ITSN2: variants seen among roughly 807,000 people sequenced by gnomAD.
ITSN2 encodes intersectin 2.
Under a neutral mutation model 243.7 loss-of-function variants are expected in ITSN2, and 156 were observed. The ratio of observed to expected loss-of-function variants is 0.64; its 90% CI spans 0.56 to 0.73. ITSN2 has a LOEUF of 0.73. ITSN2 is among the 30% of genes least tolerant of loss of function. The pLI, the probability that ITSN2 is intolerant of heterozygous loss-of-function variation, is 0.00. For synonymous variants in ITSN2, 703 were observed against 699.9 expected (o/e 1.00, Z -0.07); for missense variants, 1,801 against 1,996.1 (o/e 0.90, Z 1.86).
chr2:24,235,881 A>C (rs1672098434), intron 29 of ITSN2, among the ~76,000 whole-genome samples: 1 of 152,198 alleles, frequency 6.6e-6, no homozygotes, highest in Non-Finnish European at 1.5e-5. Context: ...GAGGATGTGG[A>C]GTAACAGAAA....
At chr2:24,309,378 T>C (rs1479709155) in intron 7 of ITSN2, among the ~76,000 whole-genome samples, 1 of 152,148 alleles carries the variant, frequency 6.6e-6, no homozygotes, top group Non-Finnish European at 1.5e-5. Flanking sequence ...TGCGCATTTT[T>C]AGTAGAGACA....
intron 29 of ITSN2, among the ~76,000 whole-genome samples, chr2:24,237,605 C>CT (rs1558464835): frequency 6.6e-6 from 1 of 152,192 alleles, no homozygotes; most frequent in Admixed American, 6.5e-5. Flanking sequence ...TCCCCCAACT[C>CT]TAATTCTTCA....
At position 24,204,460 on chromosome 2, in the gene ITSN2, T is replaced by C. The variant is rs369490519; in HGVS notation, c.4763-42A>G. 13 of 1,589,242 alleles carry C rather than the reference T, an allele frequency of 8.2e-6. No individual in the cohort carries two copies. The highest frequency in any genetic ancestry group is 1.1e-5 in the Non-Finnish European group (13 of 1,157,670). Reference sequence around the variant, plus strand: ...CACAGACACATGTGGTGCATGCAGGTAAAACGAAGCGACTGACAGTGCCCT... The same window carrying C: ...CACAGACACATGTGGTGCATGCAGGCAAAACGAAGCGACTGACAGTGCCCT... On this transcript the variant is annotated intron_variant, in intron 38 of 39. Transcript: ENST00000355123. The surrounding 1 kb of genome is among the most constrained non-coding windows in gnomAD (Gnocchi z 5.1).
chr2:24,352,093 G>C (rs1046308495), intron 1 of ITSN2, among the ~76,000 whole-genome samples: 2 of 152,060 alleles, frequency 1.3e-5, no homozygotes, highest in South Asian at 4.2e-4. Context: ...CTTTATCATA[G>C]GTATGTATAT....
At chr2:24,358,512 G>C (rs1688659226) in intron 1 of ITSN2, among the ~76,000 whole-genome samples, 1 of 152,180 alleles carries the variant, frequency 6.6e-6, no homozygotes, top group Non-Finnish European at 1.5e-5. Context: ...AGAAAGTATA[G>C]TTGAAGGAGA....
intron 37 of ITSN2, chr2:24,206,104 G>A (rs1051758579): frequency 6.6e-6 from 2 of 301,324 alleles, no homozygotes; most frequent in Non-Finnish European, 1.4e-5. Flanking sequence ...CAAAACTCAG[G>A]CAGAAAAACC....
intron 35 of ITSN2, 69 bp downstream of exon 35, chr2:24,209,749 G>T: frequency 8.0e-7 from 1 of 1,244,314 alleles, no homozygotes; most frequent in Non-Finnish European, 1.2e-6. Flanking sequence ...GGGTCTGCCA[G>T]GAAGGCCTTA....
chr2:24,203,821 C>CT, intron 39 of ITSN2, 38 bp from the exon 40 acceptor site: 1 of 1,576,244 alleles, frequency 6.3e-7, no homozygotes, highest in Non-Finnish European at 8.6e-7. Context: ...AGTCTTTCTT[C>CT]TTTATAAAAT....
chr2:24,328,829 T>C (rs1685456180), intron 1 of ITSN2, among the ~76,000 whole-genome samples: 1 of 152,214 alleles, frequency 6.6e-6, no homozygotes, highest in Non-Finnish European at 1.5e-5. Context: ...CGCAGCTGTT[T>C]AAATGAGCTC....
chr2:24,260,950 A>T (rs1249901399), intron 22 of ITSN2, among the ~76,000 whole-genome samples, 156 bp downstream of exon 22: 1 of 151,756 alleles, frequency 6.6e-6, no homozygotes, highest in Non-Finnish European at 1.5e-5. Context: ...AGTAATAGTC[A>T]TTTCTTCAAC....
intron 1 of ITSN2, among the ~76,000 whole-genome samples, chr2:24,341,647 G>A (rs1174433418): frequency 6.6e-6 from 1 of 152,158 alleles, no homozygotes; most frequent in African/African-American, 2.4e-5. Context: ...GGGAGGCTGA[G>A]GCAGGCAGAT....
intron 1 of ITSN2, among the ~76,000 whole-genome samples, chr2:24,340,498 G>A (rs1331751308): frequency 6.6e-6 from 1 of 151,420 alleles, no homozygotes; most frequent in East Asian, 1.9e-4. Flanking sequence ...AAAAAAAGTT[G>A]AATGTACTTG....
chr2:24,343,754 T>C (rs1687273366), intron 1 of ITSN2, among the ~76,000 whole-genome samples: 1 of 152,224 alleles, frequency 6.6e-6, no homozygotes, highest in African/African-American at 2.4e-5. Context: ...CCTCTAACTC[T>C]GACTTAATTC....
At chr2:24,271,343 A>C (rs1167353109) in intron 19 of ITSN2, among the ~76,000 whole-genome samples, 1 of 152,218 alleles carries the variant, frequency 6.6e-6, no homozygotes, top group Non-Finnish European at 1.5e-5. Flanking sequence ...TGTATCATTA[A>C]TAATGATTCA....
intron 18 of ITSN2, among the ~76,000 whole-genome samples, chr2:24,272,409 T>C (rs1226332574): frequency 6.6e-6 from 1 of 150,790 alleles, no homozygotes; most frequent in African/African-American, 2.4e-5. Context: ...GAAATGCTTC[T>C]AGAAAAACAA....
At chr2:24,348,923 C>T (rs1167001880) in intron 1 of ITSN2, among the ~76,000 whole-genome samples, 1 of 152,150 alleles carries the variant, frequency 6.6e-6, no homozygotes, top group Non-Finnish European at 1.5e-5. Context: ...AAAAATAGCA[C>T]TTTTGAATAT....
intron 29 of ITSN2, among the ~76,000 whole-genome samples, chr2:24,222,668 C>CTTTTTTTTT (rs56149622): frequency 5.2e-5 from 4 of 77,238 alleles, no homozygotes; most frequent in Non-Finnish European, 4.6e-5. Flanking sequence ...TTTTTCTTTT[C>CTTTTTTTTT]TTTTTTTTTT....
chr2:24,215,038 ACTTT>A (rs1271064570), intron 32 of ITSN2, among the ~76,000 whole-genome samples: 3 of 152,246 alleles, frequency 2.0e-5, no homozygotes, highest in Non-Finnish European at 4.4e-5. Context: ...TCAAAATATG[ACTTT>A]CTATTATAAT....
At chr2:24,343,954 C>T (rs1214976021) in intron 1 of ITSN2, among the ~76,000 whole-genome samples, 1 of 152,080 alleles carries the variant, frequency 6.6e-6, no homozygotes, top group African/African-American at 2.4e-5. Flanking sequence ...GAGGGGTGAA[C>T]CTGAAGACCC....
Sources: gnomAD v4.1 joint callset for allele counts (sites outside exome capture counted in the v4.1 genomes callset) on GRCh38, gnomAD v4.1.1 for gene constraint, Gnocchi (gnomAD v3.1) non-coding constraint, MANE v1.5 for transcripts, NCBI Gene and HGNC (gene_info 2026-07-23, HGNC 2026-07-21) for gene names.